The following HCN1 variants were observed in gnomAD, a reference collection of about 807,000 sequenced individuals.
HCN1 encodes hyperpolarization activated cyclic nucleotide gated potassium channel 1.
In HCN1, 13 loss-of-function variants were observed where a neutral mutation model predicts 78.9. The observed-to-expected ratio is 0.16, with a 90% CI of 0.11 to 0.26. The LOEUF is 0.26. Ranked by LOEUF, HCN1 falls within the 10% of genes least tolerant of loss-of-function variation. The pLI is 1.00. For missense variants in HCN1, 810 were observed against 1,154.3 expected, an observed-to-expected ratio of 0.70 and a Z score of 4.32; for synonymous variants, 552 against 455.5, an observed-to-expected ratio of 1.21 and a Z score of -2.70.
In HCN1 at chr5:45,293,103, G is replaced by T. The variant is rs775610748; in HGVS notation, c.1618+10496C>A. 3.4e-4 allele frequency among the ~76,000 whole-genome samples: 51 copies of T among 151,956 alleles called. 1 individual carries two copies. Among genetic ancestry groups the T allele is most frequent in the Admixed American group, 2.3e-3 (35 of 15,220 alleles). ...AACAGAACAATTTACATTCCTTTGA[G>T]TATATACCCAGTAATGGGATTGCTG... is the stretch of plus-strand genomic sequence containing the variant. On this transcript the variant is annotated intron_variant, in intron 6 of 7. Coordinates refer to ENST00000303230, the MANE Select transcript of HCN1 (RefSeq NM_021072.4).
At chr5:45,429,848 T>C (rs539971406) in intron 3 of HCN1, among the ~76,000 whole-genome samples, 1 of 152,186 alleles carries the variant, frequency 6.6e-6, no homozygotes, top group South Asian at 2.1e-4. Flanking sequence ...AGATGAGACC[T>C]TCAAACAACA....
intron 2 of HCN1, among the ~76,000 whole-genome samples, chr5:45,513,580 T>C (rs1339480559): frequency 1.3e-5 from 2 of 152,190 alleles, no homozygotes; most frequent in Non-Finnish European, 2.9e-5. Flanking sequence ...AAGCACCACC[T>C]GAGCTCTGCC....
At chr5:45,408,470 G>T (rs1225118926) in intron 3 of HCN1, among the ~76,000 whole-genome samples, 1 of 152,098 alleles carries the variant, frequency 6.6e-6, no homozygotes, top group East Asian at 1.9e-4. Context: ...TGCTGTAGAG[G>T]TTTGCTGCCT....
intron 3 of HCN1, among the ~76,000 whole-genome samples, chr5:45,459,584 C>A (rs1312702690): frequency 1.3e-5 from 2 of 151,820 alleles, no homozygotes; most frequent in Non-Finnish European, 2.9e-5. Context: ...TAAAGAAAAA[C>A]AAGAATTTTT....
At chr5:45,552,557 C>G (rs554797342) in intron 2 of HCN1, among the ~76,000 whole-genome samples, 4 of 152,012 alleles carry the variant, frequency 2.6e-5, no homozygotes, top group African/African-American at 9.6e-5. Flanking sequence ...ACAGGACAGA[C>G]TTCTATGGTA....
chr5:45,313,723 C>T (rs897634607), intron 5 of HCN1, among the ~76,000 whole-genome samples: 1 of 152,130 alleles, frequency 6.6e-6, no homozygotes, highest in South Asian at 2.1e-4. Context: ...GACGAATGCA[C>T]AAGCTTCAGT....
intron 2 of HCN1, among the ~76,000 whole-genome samples, chr5:45,569,470 T>G (rs1300113509): frequency 1.3e-5 from 2 of 152,136 alleles, no homozygotes; most frequent in Non-Finnish European, 2.9e-5. Context: ...GTTTGATATT[T>G]GAAACCTCAA....
At chr5:45,652,119 T>C (rs1745687090) in intron 1 of HCN1, among the ~76,000 whole-genome samples, 1 of 151,974 alleles carries the variant, frequency 6.6e-6, no homozygotes, top group Non-Finnish European at 1.5e-5. Flanking sequence ...AATAGAAATT[T>C]AAAACCTATG....
intron 2 of HCN1, among the ~76,000 whole-genome samples, chr5:45,484,725 C>A (rs1741723861): frequency 6.6e-6 from 1 of 152,144 alleles, no homozygotes; most frequent in African/African-American, 2.4e-5. Flanking sequence ...AGGTCTCTAA[C>A]AACAGTAGCT....
At chr5:45,342,290 G>C (rs1476136367) in intron 5 of HCN1, among the ~76,000 whole-genome samples, 1 of 149,972 alleles carries the variant, frequency 6.7e-6, no homozygotes, top group Non-Finnish European at 1.5e-5. Context: ...CAGCAGTGCA[G>C]TGGATCTCAA....
chr5:45,549,391 T>G lies in HCN1; in HGVS notation c.850-87384A>C, dbSNP rs572581934. ...TGACAAACCTGACAAAAACAAGAAA[T>G]GGGGAAAAGATTCCCTATTTAATAA... On this transcript the variant is annotated intron_variant, in intron 2 of 7. Coordinates refer to ENST00000303230, the MANE Select transcript of HCN1 (RefSeq NM_021072.4). Among the ~76,000 whole-genome samples, 12 of 152,192 alleles carry G rather than the reference T, an allele frequency of 7.9e-5. 1 individual carries two copies. The highest frequency in any genetic ancestry group is 2.6e-4 in the African/African-American group (11 of 41,518).
chr5:45,391,555 T>C (rs1224888250), intron 4 of HCN1, among the ~76,000 whole-genome samples: 4 of 152,164 alleles, frequency 2.6e-5, no homozygotes, highest in African/African-American at 9.7e-5. Flanking sequence ...GCTTAAAAAA[T>C]TGAAGACTTA....
rs1474358024 is a variant in HCN1 at position 45,569,950 on chromosome 5, G to A, written c.849+75235C>T. The stretch of plus-strand genomic sequence containing the variant: ...ATGACTTAGATATTTAACTTGATGG[G>A]ATAACCTAGCTTAAGCACAAATCTT... On this transcript the variant is annotated intron_variant, in intron 2 of 7. Coordinates refer to ENST00000303230, the MANE Select transcript of HCN1 (RefSeq NM_021072.4). Among the ~76,000 whole-genome samples the A allele has an allele frequency of 2.6e-5, 4 of 151,886 alleles. No individual in the cohort carries two copies. The East Asian group carries it at 7.7e-4, about 29-fold the overall frequency.
chr5:45,314,748 G>A (rs1318744199), intron 5 of HCN1, among the ~76,000 whole-genome samples: 1 of 152,076 alleles, frequency 6.6e-6, no homozygotes, highest in Non-Finnish European at 1.5e-5. Flanking sequence ...AACAAAAAAA[G>A]GCAGGAGTTG....
intron 3 of HCN1, among the ~76,000 whole-genome samples, chr5:45,415,936 T>C (rs1288029151): frequency 6.6e-6 from 1 of 152,036 alleles, no homozygotes; most frequent in Non-Finnish European, 1.5e-5. Context: ...ATAATGTACC[T>C]TAAGTTATGT....
chr5:45,420,839 C>T (rs1740212492), intron 3 of HCN1, among the ~76,000 whole-genome samples: 1 of 152,064 alleles, frequency 6.6e-6, no homozygotes, highest in South Asian at 2.1e-4. Context: ...TCAAAGTTTA[C>T]CAGCACTGTG....
At chr5:45,673,237 A>G (rs1010352532) in intron 1 of HCN1, among the ~76,000 whole-genome samples, 5 of 151,626 alleles carry the variant, frequency 3.3e-5, no homozygotes, top group Non-Finnish European at 7.4e-5. Flanking sequence ...GGAATAGCAC[A>G]GAGGCAAAGA....
intron 6 of HCN1, among the ~76,000 whole-genome samples, chr5:45,279,642 T>C (rs1310564331): frequency 1.3e-5 from 2 of 152,112 alleles, no homozygotes; most frequent in Non-Finnish European, 1.5e-5. Context: ...TAAAATCTCA[T>C]ATGTTCCTTG....
intron 4 of HCN1, among the ~76,000 whole-genome samples, chr5:45,387,167 GT>G (rs1234955606): frequency 1.3e-5 from 2 of 151,902 alleles, no homozygotes; most frequent in South Asian, 4.2e-4. Context: ...TATATCAAAA[GT>G]TTTTAATTTG....
Sources: gnomAD v4.1 joint callset for allele counts (sites outside exome capture counted in the v4.1 genomes callset) on GRCh38, gnomAD v4.1.1 for gene constraint, MANE v1.5 for transcripts, NCBI Gene and HGNC (gene_info 2026-07-23, HGNC 2026-07-21) for gene names.